Variants in SCARB2 observed in about 807,000 individuals in gnomAD.
SCARB2 encodes lysosome membrane protein 2.
Under a neutral mutation model 58.6 loss-of-function variants are expected in SCARB2, and 29 were observed. The ratio of observed to expected loss-of-function variants is 0.49; its 90% CI spans 0.37 to 0.67. The LOEUF (loss-of-function observed/expected upper bound fraction) is 0.67. SCARB2 is among the 30% of genes least tolerant of loss of function. The pLI, the probability that SCARB2 is intolerant of heterozygous loss-of-function variation, is 0.00. For missense variants in SCARB2, 488 were observed against 578.5 expected (o/e 0.84, Z 1.60); for synonymous variants, 195 against 210.1 (o/e 0.93, Z 0.62).
chr4:76,176,003 C>T (rs1194411453), intron 5 of SCARB2, 93 bp from the exon 6 acceptor site: 6 of 1,433,284 alleles, frequency 4.2e-6, no homozygotes. Flanking sequence ...TTAACTGGAG[C>T]TGTCTATCCA....
At chr4:76,198,364 A>C (rs1213639539) in intron 1 of SCARB2, among the ~76,000 whole-genome samples, 2 of 152,242 alleles carry the variant, frequency 1.3e-5, no homozygotes, top group Admixed American at 1.3e-4. Context: ...CATAAATCCA[A>C]AGACAAGTGG....
chr4:76,162,740 G>T (rs914001253), intron 11 of SCARB2: 3 of 200,662 alleles, frequency 1.5e-5, no homozygotes. Flanking sequence ...ACTGGGCCAA[G>T]TCCTTTAAGT....
chr4:76,167,063 A>G (rs999240522), intron 9 of SCARB2, among the ~76,000 whole-genome samples: 3 of 152,194 alleles, frequency 2.0e-5, no homozygotes, highest in African/African-American at 7.2e-5. Context: ...TTATATCATA[A>G]TTTTCTCATA....
rs563067913 is a variant in SCARB2 at position 76,175,239 on chromosome 4, G to A, written c.824+552C>T. 19 of 158,256 alleles carry A rather than the reference G, an allele frequency of 1.2e-4. No individual in the cohort carries two copies. The South Asian group carries it at 1.5e-3, about 13-fold the overall frequency. 9.8% of individuals were successfully genotyped at this position (158,256 alleles called of 1,614,324 possible). A position where few individuals can be genotyped will look rare whatever the true frequency, so the allele number is the denominator to read the frequency against. On this transcript the variant is annotated intron_variant, in intron 6 of 11. Coordinates refer to ENST00000264896, the MANE Select transcript of SCARB2 (RefSeq NM_005506.4). ...TATGGATATAACTGAACCTGTCTAC[G>A]TAATGCTCTTGATTCCATTCCTTCT...
Position 76,168,422 on chromosome 4 carries a change from T to C in SCARB2, c.1168A>G (p.Lys390Glu), listed in dbSNP as rs758660156. 1.2e-6 allele frequency: 2 copies of C among 1,614,134 alleles called. No homozygotes were observed. The highest frequency in any genetic ancestry group is 1.7e-6 in the Non-Finnish European group (2 of 1,179,960). ...ACTTACACAAAGTCATCTAATTTTT[T>C]GACATAAATGTTGATTTGGAACCTC... is the stretch of plus-strand genomic sequence containing the variant. ...AKRFQINIYV[K>E]KLDDFVETGD... Residue 390 changes from lysine to glutamate, a missense_variant, in exon 9 of 12, where the codon AAA (lysine) becomes GAA (glutamate). By Grantham distance (56) the Lys-to-Glu change is moderately conservative (BLOSUM62 1). Transcript: ENST00000264896.
At chr4:76,220,020 T>C (rs1361090326) in intron 1 of SCARB2, among the ~76,000 whole-genome samples, 1 of 152,236 alleles carries the variant, frequency 6.6e-6, no homozygotes, top group Non-Finnish European at 1.5e-5. Context: ...TAGTGTTTGC[T>C]TCAATTGCAC....
Position 76,221,892 on chromosome 4 carries a change from C to A in SCARB2, c.-358+12411G>T, listed in dbSNP as rs1473210262. On this transcript the variant is annotated intron_variant, in intron 1 of 11. Transcript: ENST00000638295. ...CCTGTGTAACAAACTTGCACATGTACCACCTGAACCTAAAATAAAAATCAA... is the reference window on the plus strand; with the variant it reads ...CCTGTGTAACAAACTTGCACATGTAACACCTGAACCTAAAATAAAAATCAA... Among the ~76,000 whole-genome samples, 8 of 152,300 alleles carry A rather than the reference C, an allele frequency of 5.3e-5. No individual in the cohort carries two copies. The East Asian group carries it at 1.5e-3, about 29-fold the overall frequency.
At chr4:76,162,595 A>G (rs547680808) in intron 11 of SCARB2, 157 of 156,936 alleles carry the variant, frequency 1.0e-3, no homozygotes, top group African/African-American at 3.7e-3. Context: ...AGTGATACCT[A>G]AATCATAGGT....
At chr4:76,224,962 G>A (rs940235273) in intron 1 of SCARB2, among the ~76,000 whole-genome samples, 1 of 151,948 alleles carries the variant, frequency 6.6e-6, no homozygotes, top group South Asian at 2.1e-4. Flanking sequence ...GCATAAGAAT[G>A]ATATAATGCA....
chr4:76,234,143 G>A (rs1046900786), intron 1 of SCARB2, among the ~76,000 whole-genome samples: 3 of 152,108 alleles, frequency 2.0e-5, no homozygotes, highest in Non-Finnish European at 4.4e-5. Context: ...GGGTGGAGGG[G>A]AGCCGCTGCT....
intron 1 of SCARB2, among the ~76,000 whole-genome samples, chr4:76,197,971 A>G (rs1419312459): frequency 6.6e-6 from 1 of 152,136 alleles, no homozygotes; most frequent in African/African-American, 2.4e-5. Context: ...AAGGAGAAGG[A>G]ATGGACACAA....
chr4:76,208,489 G>T (rs1271681895), intron 1 of SCARB2, among the ~76,000 whole-genome samples: 4 of 152,164 alleles, frequency 2.6e-5, no homozygotes, highest in African/African-American at 7.2e-5. Flanking sequence ...AGGAGATGAA[G>T]CATGTCTATG....
intron 1 of SCARB2, among the ~76,000 whole-genome samples, chr4:76,205,486 T>G (rs1003681665): frequency 1.3e-5 from 2 of 152,246 alleles, no homozygotes; most frequent in African/African-American, 4.8e-5. Flanking sequence ...GCCATTTCAC[T>G]ATGTATATCT....
chr4:76,214,493 T>C (rs1191867707), upstream of SCARB2: 1 of 358,086 alleles, frequency 2.8e-6, no homozygotes, highest in Non-Finnish European at 5.5e-6. Context: ...CTTTTGACTG[T>C]AGGCTCAGGT....
intron 6 of SCARB2, chr4:76,175,584 G>T: frequency 1.6e-6 from 1 of 616,494 alleles, no homozygotes; most frequent in Non-Finnish European, 2.8e-6. Context: ...AGCTATAAGT[G>T]GTAGAGCCAA....
chr4:76,174,916 T>C (rs970062746), intron 6 of SCARB2: 5 of 159,958 alleles, frequency 3.1e-5, no homozygotes, highest in African/African-American at 9.6e-5. Flanking sequence ...TCCCATGTAA[T>C]ATGACCACTG....
intron 2 of SCARB2, among the ~76,000 whole-genome samples, chr4:76,185,880 C>G (rs1427135831): frequency 3.3e-5 from 5 of 152,164 alleles, no homozygotes; most frequent in African/African-American, 9.7e-5. Context: ...GCTTCTGTGC[C>G]TCAGTTTCCT....
At chr4:76,190,800 A>G (rs1437655042) in intron 2 of SCARB2, among the ~76,000 whole-genome samples, 4 of 151,998 alleles carry the variant, frequency 2.6e-5, no homozygotes, top group African/African-American at 9.7e-5. Flanking sequence ...AAACAAACAA[A>G]CAAACAAACA....
chr4:76,170,751 C>G (rs1188990413), intron 7 of SCARB2, among the ~76,000 whole-genome samples: 3 of 151,660 alleles, frequency 2.0e-5, no homozygotes, highest in African/African-American at 4.8e-5. Flanking sequence ...AACTCCTTAC[C>G]TCAAGTGATC....
Sources: gnomAD v4.1 joint callset for allele counts (sites outside exome capture counted in the v4.1 genomes callset) on GRCh38, gnomAD v4.1.1 for gene constraint, MANE v1.5 for transcripts, NCBI Gene and HGNC (gene_info 2026-07-23, HGNC 2026-07-21) for gene names.